The following KDSR variants were observed in gnomAD, a reference collection of about 807,000 sequenced individuals.
The protein encoded by KDSR is 3-dehydrosphinganine reductase.
In KDSR, 23 loss-of-function variants were observed where a neutral mutation model predicts 41.3. That is an observed-to-expected ratio of 0.56 (90% CI 0.40 to 0.79). The LOEUF is 0.79. KDSR is among the 30% of genes least tolerant of loss of function. The probability of loss-of-function intolerance (pLI) is 0.00; values close to 1 mark genes in which losing one functional copy is unlikely to be tolerated. For synonymous variants in KDSR, 138 were observed against 151.7 expected (o/e 0.91, Z 0.66); for missense variants, 351 against 416.8 (o/e 0.84, Z 1.37).
chr18:63,350,205 T>C (rs1435508621), intron 6 of KDSR, among the ~76,000 whole-genome samples: 1 of 152,222 alleles, frequency 6.6e-6, no homozygotes, highest in African/African-American at 2.4e-5. Flanking sequence ...TGTGTGACAA[T>C]AATGTGGAAG....
chr18:63,360,877 G>T (rs993129795), intron 2 of KDSR, among the ~76,000 whole-genome samples: 4 of 134,488 alleles, frequency 3.0e-5, no homozygotes, highest in Non-Finnish European at 6.3e-5. Context: ...CAGTGAGGCC[G>T]GGCGCAGTGG....
At position 63,355,705 on chromosome 18, in the gene KDSR, C is replaced by T. The variant is rs541832522; in HGVS notation, c.256-142G>A. 1.6e-5 allele frequency: 20 copies of T among 1,220,058 alleles called. No homozygotes were observed. In the African/African-American group the frequency reaches 3.1e-4, roughly 19 times the overall value. 75.6% of individuals were successfully genotyped at this position (1,220,058 alleles called of 1,614,324 possible). The stretch of plus-strand genomic sequence containing the variant: ...CAGATTTCAGTGTTTGCTGATGATG[C>T]AATTAGCAGAATCTAATTTTCTTGG... On this transcript the variant is annotated intron_variant, in intron 3 of 9. Transcript: ENST00000645214.
At position 63,337,436 on chromosome 18, in the gene KDSR, A is replaced by G. The variant is rs554343457; in HGVS notation, c.777+1364T>C. On this transcript the variant is annotated intron_variant, in intron 8 of 9. Transcript: ENST00000645214. Reference sequence around the variant, plus strand: ...CAGCCATTTTTGTTATTTTTAATGAATCAATAAATATTACAAACAGCTTCC... The same window carrying G: ...CAGCCATTTTTGTTATTTTTAATGAGTCAATAAATATTACAAACAGCTTCC... Among the ~76,000 whole-genome samples the G allele has an allele frequency of 4.5e-4, 69 of 152,238 alleles. 1 individual carries two copies. The highest frequency in any genetic ancestry group is 1.5e-3 in the African/African-American group (61 of 41,530).
At chr18:63,342,607 G>A (rs897775557) in intron 7 of KDSR, among the ~76,000 whole-genome samples, 4 of 152,170 alleles carry the variant, frequency 2.6e-5, no homozygotes, top group African/African-American at 9.7e-5. Context: ...CTATAGAATG[G>A]TCCAAGTGTG....
intron 3 of KDSR, 89 bp from the exon 4 acceptor site, chr18:63,355,652 A>G: frequency 7.1e-7 from 1 of 1,417,080 alleles, no homozygotes; most frequent in Non-Finnish European, 9.2e-7. Flanking sequence ...AGTTCATTGA[A>G]TACAGAAGGA....
intron 3 of KDSR, 186 bp downstream of exon 3, chr18:63,359,550 T>G (rs1914903643): frequency 1.5e-5 from 8 of 534,796 alleles, no homozygotes; most frequent in Non-Finnish European, 2.7e-5. Context: ...TGAATGTGTG[T>G]GGGAGTCTAT....
At chr18:63,340,959 T>C (rs1373908527) in intron 7 of KDSR, among the ~76,000 whole-genome samples, 2 of 152,214 alleles carry the variant, frequency 1.3e-5, no homozygotes, top group Non-Finnish European at 2.9e-5. Flanking sequence ...GAAGAAGACA[T>C]GATTCCTCAG....
intron 7 of KDSR, among the ~76,000 whole-genome samples, chr18:63,344,146 C>T (rs1182345021): frequency 6.6e-6 from 1 of 152,156 alleles, no homozygotes; most frequent in Non-Finnish European, 1.5e-5. Flanking sequence ...CACTGCACTC[C>T]AGCCTGGATG....
rs1915108220 is a variant in KDSR at position 63,365,482 on chromosome 18, G to C, written c.108+1529C>G. 3.9e-5 allele frequency among the ~76,000 whole-genome samples: 6 copies of C among 152,152 alleles called. No individual in the cohort carries two copies. The South Asian group carries it at 1.2e-3, about 32-fold the overall frequency. ...ATTCATGTCATTCTCACATTACTTA[G>C]AGTGTGAAATAATAATCCTGCGTAT... On this transcript the variant is annotated intron_variant, in intron 1 of 9. Coordinates refer to ENST00000645214, the MANE Select transcript of KDSR (RefSeq NM_002035.4).
At chr18:63,365,503 C>T (rs932820214) in intron 1 of KDSR, among the ~76,000 whole-genome samples, 3 of 152,142 alleles carry the variant, frequency 2.0e-5, no homozygotes, top group Non-Finnish European at 4.4e-5. Context: ...AATAATCCTG[C>T]GTATTAAAGC....
intron 6 of KDSR, among the ~76,000 whole-genome samples, chr18:63,350,489 T>G (rs1345735575): frequency 1.3e-5 from 2 of 152,220 alleles, no homozygotes; most frequent in Admixed American, 1.3e-4. Context: ...TGATTCAAGC[T>G]CTTCCCTCAA....
At chr18:63,348,276 T>C (rs1392292350) in intron 6 of KDSR, among the ~76,000 whole-genome samples, 1 of 148,794 alleles carries the variant, frequency 6.7e-6, no homozygotes, top group East Asian at 2.0e-4. Flanking sequence ...ACCACTGCAC[T>C]CCAGCCTCGG....
chr18:63,363,935 C>T (rs1332277394), intron 1 of KDSR, among the ~76,000 whole-genome samples: 3 of 152,162 alleles, frequency 2.0e-5, no homozygotes, highest in Non-Finnish European at 4.4e-5. Flanking sequence ...GAAGTGTCTC[C>T]TACGCAAATG....
At chr18:63,350,123 A>C (rs1914621534) in intron 6 of KDSR, among the ~76,000 whole-genome samples, 1 of 152,228 alleles carries the variant, frequency 6.6e-6, no homozygotes, top group Non-Finnish European at 1.5e-5. Flanking sequence ...CAGCAATAGA[A>C]AGAACTTTCC....
chr18:63,359,633 T>G, intron 3 of KDSR, 103 bp downstream of exon 3: 1 of 778,272 alleles, frequency 1.3e-6, no homozygotes, highest in African/African-American at 1.7e-5. Context: ...AAACAGTACA[T>G]ATATGCTTTC....
chr18:63,351,023 G>C lies in KDSR; in HGVS notation c.474C>G (p.Thr158=), dbSNP rs1914648167. The part of the protein sequence containing the change: ...GSVYPSRAVI[T]TMKERRVGRI... ...TGCCCACCCGGCGCTCCTTCATGGTGGTGATCACGGCCCGGCTGGGGTACA... is the reference window on the plus strand; with the variant it reads ...TGCCCACCCGGCGCTCCTTCATGGTCGTGATCACGGCCCGGCTGGGGTACA... Residue 158 remains threonine, a synonymous_variant, in exon 6 of 10, where the codon ACC becomes ACG. Coordinates refer to ENST00000645214, the MANE Select transcript of KDSR (RefSeq NM_002035.4). 2 of 1,614,178 alleles carry C rather than the reference G, an allele frequency of 1.2e-6. No individual in the cohort carries two copies. Among genetic ancestry groups the C allele is most frequent in the Admixed American group, 1.7e-5 (1 of 60,024 alleles).
intron 8 of KDSR, among the ~76,000 whole-genome samples, chr18:63,336,543 T>C (rs1053390399): frequency 6.6e-6 from 1 of 152,226 alleles, no homozygotes; most frequent in African/African-American, 2.4e-5. Context: ...GTCAGCTGCA[T>C]ACTTTTATGA....
At chr18:63,356,684 G>T (rs766884882) in intron 3 of KDSR, among the ~76,000 whole-genome samples, 2 of 152,214 alleles carry the variant, frequency 1.3e-5, no homozygotes, top group Non-Finnish European at 2.9e-5. Flanking sequence ...GAGGTAGAAG[G>T]TGTCATGATG....
chr18:63,357,569 TAC>T lies in KDSR; in HGVS notation c.256-2008_256-2007del, dbSNP rs1475507063. On this transcript the variant is annotated intron_variant, in intron 3 of 9. Coordinates refer to ENST00000645214, the MANE Select transcript of KDSR (RefSeq NM_002035.4). ...ACATATATATACATACATACATACA[TAC>T]ATATATATATATATATATATATATT... 1.8e-4 allele frequency among the ~76,000 whole-genome samples: 17 copies of T among 93,240 alleles called. No homozygotes were observed. The East Asian group carries it at 6.1e-3, about 34-fold the overall frequency. The allele number at this position is 93,240 out of a possible 152,430, so 61.2% of individuals were successfully genotyped here.
Sources: allele counts gnomAD v4.1 joint callset (sites outside exome capture counted in the v4.1 genomes callset), GRCh38; gene constraint gnomAD v4.1.1; transcripts MANE v1.5; gene names NCBI Gene and HGNC (gene_info 2026-07-23, HGNC 2026-07-21).